The following MEGF6 variants were observed in gnomAD, a reference collection of about 807,000 sequenced individuals.
The protein encoded by MEGF6 is multiple epidermal growth factor-like domains protein 6.
Under a neutral mutation model 207.1 loss-of-function variants are expected in MEGF6, and 184 were observed. That is an observed-to-expected ratio of 0.89 (90% CI 0.79 to 1.00). MEGF6 has a LOEUF of 1.00. Ranked by LOEUF, MEGF6 falls within the 50% of genes least tolerant of loss-of-function variation. The pLI is 0.00. For missense variants in MEGF6, 2,282 were observed against 2,202.9 expected (o/e 1.04, Z -0.72); for synonymous variants, 1,038 against 910.0 (o/e 1.14, Z -2.53).
chr1:3,526,027 GC>G (rs1233846756), intron 4 of MEGF6, among the ~76,000 whole-genome samples: 1 of 152,228 alleles, frequency 6.6e-6, no homozygotes, highest in Admixed American at 6.5e-5. Flanking sequence ...GCTGGCCAGA[GC>G]ACCCGGCACA....
At chr1:3,526,653 C>T (rs981435251) in intron 4 of MEGF6, among the ~76,000 whole-genome samples, 3 of 152,174 alleles carry the variant, frequency 2.0e-5, no homozygotes, top group African/African-American at 7.2e-5. Flanking sequence ...CCCGCCTTGG[C>T]CTCCCAAAGT....
intron 8 of MEGF6, 48 bp from the exon 9 acceptor site, chr1:3,511,735 C>A: frequency 1.3e-6 from 2 of 1,574,606 alleles, no homozygotes; most frequent in East Asian, 4.5e-5. Context: ...GCTAGGATGA[C>A]CCCCACCTAC....
chr1:3,533,185 G>A (rs781618085), intron 4 of MEGF6, among the ~76,000 whole-genome samples: 2 of 152,192 alleles, frequency 1.3e-5, no homozygotes, highest in African/African-American at 2.4e-5. Flanking sequence ...CCTTGAGCGC[G>A]TGGGAAAGAA....
rs376521998 is a variant in MEGF6, at chr1:3,498,360, G to A, written c.3352+11C>T. 56 of 1,597,778 alleles carry A rather than the reference G, an allele frequency of 3.5e-5. 1 individual carries two copies. Among genetic ancestry groups the A allele is most frequent in the South Asian group, 1.7e-4 (15 of 90,552 alleles). On this transcript the variant is annotated intron_variant, in intron 26 of 36. Transcript: ENST00000356575. ...GGCCTGCAGACCCCCCTGCTGCCCC[G>A]CCCCACTCACGGCTCTGACACTTGT...
At chr1:3,589,452 C>G (rs900737225) in intron 3 of MEGF6, among the ~76,000 whole-genome samples, 4 of 152,134 alleles carry the variant, frequency 2.6e-5, no homozygotes, top group African/African-American at 9.7e-5. Flanking sequence ...ACTCAGTGAC[C>G]TCTTCCCAGG....
At chr1:3,498,915 T>C in intron 24 of MEGF6, 89 bp from the exon 25 acceptor site, 2 of 1,503,594 alleles carry the variant, frequency 1.3e-6, no homozygotes, top group East Asian at 2.5e-5. Context: ...TGTTGGACTT[T>C]GGGGTCAGGC....
chr1:3,567,192 C>G (rs1250822691), intron 4 of MEGF6, among the ~76,000 whole-genome samples: 1 of 152,188 alleles, frequency 6.6e-6, no homozygotes, highest in African/African-American at 2.4e-5. Context: ...GGAGCCGGGC[C>G]ACACGGCGAA....
In MEGF6 at chr1:3,497,358, C is replaced by T; in HGVS notation, c.3356G>A (p.Cys1119Tyr). 1 of 1,543,300 alleles carries T rather than the reference C, an allele frequency of 6.5e-7. No homozygotes were observed. Among genetic ancestry groups the T allele is most frequent in the Non-Finnish European group, 8.7e-7 (1 of 1,150,180 alleles). ...GWTGDKCQSP[C>Y]LRGWFGEACA... ...GGCCTCTCCAAACCAGCCCCGCAGG[C>T]AGGCTGCAGAAAGATGAGGGCTGCG... Residue 1119 changes from cysteine to tyrosine, a missense_variant, in exon 27 of 37, where the codon TGC (cysteine) becomes TAC (tyrosine). Cys to Tyr is a radical substitution (Grantham distance 194). Coordinates refer to ENST00000356575, the MANE Select transcript of MEGF6 (RefSeq NM_001409.4).
chr1:3,580,037 C>A, intron 3 of MEGF6, 108 bp from the exon 4 acceptor site: 1 of 730,714 alleles, frequency 1.4e-6, no homozygotes. Flanking sequence ...CTGCCAGGTC[C>A]CCAGCCCCGT....
intron 4 of MEGF6, among the ~76,000 whole-genome samples, chr1:3,529,434 C>A (rs1642073380): frequency 6.6e-6 from 1 of 152,264 alleles, no homozygotes; most frequent in Admixed American, 6.5e-5. Flanking sequence ...GCCAGAGAGG[C>A]CCCAGACAGC....
intron 4 of MEGF6, among the ~76,000 whole-genome samples, chr1:3,540,840 C>T (rs1332023994): frequency 1.3e-5 from 2 of 152,250 alleles, no homozygotes; most frequent in African/African-American, 4.8e-5. Context: ...CACCATCACA[C>T]TGGGGAGTCC....
At chr1:3,579,609 C>T (rs532877520) in intron 4 of MEGF6, among the ~76,000 whole-genome samples, 6 of 152,330 alleles carry the variant, frequency 3.9e-5, no homozygotes, top group South Asian at 2.1e-4. Context: ...CACCCACTGA[C>T]GGGGGGTCTC....
At chr1:3,607,192 C>T (rs1443298206) in intron 1 of MEGF6, among the ~76,000 whole-genome samples, 3 of 151,788 alleles carry the variant, frequency 2.0e-5, no homozygotes, top group Admixed American at 1.3e-4. Context: ...ACCAGCAAGA[C>T]GACAATGCTG....
At chr1:3,505,999 C>A (rs1201574026) in intron 15 of MEGF6, 109 bp downstream of exon 15, 19 of 1,418,354 alleles carry the variant, frequency 1.3e-5, no homozygotes, top group African/African-American at 2.9e-5. Flanking sequence ...GGTGACCTGG[C>A]TGGGCCCCGA....
intron 4 of MEGF6, among the ~76,000 whole-genome samples, chr1:3,532,513 C>T (rs763842290): frequency 1.3e-5 from 2 of 152,226 alleles, no homozygotes; most frequent in African/African-American, 2.4e-5. Context: ...ACTGGGCGCC[C>T]GCCCACACTG....
At chr1:3,563,489 C>T (rs886784950) in intron 4 of MEGF6, among the ~76,000 whole-genome samples, 2 of 152,176 alleles carry the variant, frequency 1.3e-5, no homozygotes, top group Non-Finnish European at 2.9e-5. Context: ...GACTGTAGGT[C>T]CCTGAAAACA....
At chr1:3,553,937 G>A (rs547020254) in intron 4 of MEGF6, among the ~76,000 whole-genome samples, 1 of 152,328 alleles carries the variant, frequency 6.6e-6, no homozygotes, top group Admixed American at 6.5e-5. Context: ...CACGGCTGGG[G>A]CCTGCCTGGT....
chr1:3,606,122 C>T (rs1222753985), intron 1 of MEGF6, among the ~76,000 whole-genome samples: 1 of 152,242 alleles, frequency 6.6e-6, no homozygotes, highest in African/African-American at 2.4e-5. Flanking sequence ...GGGCAGAACT[C>T]GTGATGAACG....
Position 3,524,107 on chromosome 1 carries a change from C to A in MEGF6, c.604+17G>T. ...CTGAAGCCAGGAGCCCAGGCAGGGTCTCCAGGCGACACTCACCCAGGCAGG... is the reference window on the plus strand; with the variant it reads ...CTGAAGCCAGGAGCCCAGGCAGGGTATCCAGGCGACACTCACCCAGGCAGG... On this transcript the variant is annotated intron_variant, in intron 5 of 36. Transcript: ENST00000356575. 6.2e-7 allele frequency: 1 copy of A among 1,609,216 alleles called. No homozygotes were observed. Among genetic ancestry groups the A allele is most frequent in the Non-Finnish European group, 8.5e-7 (1 of 1,177,898 alleles).
Sources: gnomAD v4.1 joint callset for allele counts (sites outside exome capture counted in the v4.1 genomes callset) on GRCh38, gnomAD v4.1.1 for gene constraint, MANE v1.5 for transcripts, NCBI Gene and HGNC (gene_info 2026-07-23, HGNC 2026-07-21) for gene names.